GFRA1: variants seen among roughly 807,000 people sequenced by gnomAD.
The protein encoded by GFRA1 is GDNF family receptor alpha 1.
A neutral mutation model predicts 51.6 loss-of-function variants in GFRA1; 16 were observed. That is an observed-to-expected ratio of 0.31 (90% CI 0.21 to 0.47). GFRA1 has a LOEUF of 0.47. Ranked by LOEUF, GFRA1 falls within the 20% of genes least tolerant of loss-of-function variation. The pLI is 1.00. For missense variants in GFRA1, 530 were observed against 594.3 expected, an observed-to-expected ratio of 0.89 and a Z score of 1.13; for synonymous variants, 270 against 241.3, an observed-to-expected ratio of 1.12 and a Z score of -1.10.
At chr10:116,151,192 A>G (rs954973634) in intron 5 of GFRA1, among the ~76,000 whole-genome samples, 1 of 152,198 alleles carries the variant, frequency 6.6e-6, no homozygotes, top group Admixed American at 6.5e-5. Context: ...GCATCTGTAC[A>G]AGCTCCAGGC....
At chr10:116,194,066 T>TAAAAAAAAAAA (rs1051845471) in intron 5 of GFRA1, among the ~76,000 whole-genome samples, 9 of 27,000 alleles carry the variant, frequency 3.3e-4, no homozygotes, top group Non-Finnish European at 6.1e-4. Flanking sequence ...AAATAAAATT[T>TAAAAAAAAAAA]AAAAAAAAAA....
At chr10:116,258,847 G>A (rs1438969780) in intron 4 of GFRA1, among the ~76,000 whole-genome samples, 1 of 152,186 alleles carries the variant, frequency 6.6e-6, no homozygotes, top group Non-Finnish European at 1.5e-5. Context: ...CACAGCTGCT[G>A]TAATTATTAT....
chr10:116,140,282 C>T (rs913159211), intron 5 of GFRA1, among the ~76,000 whole-genome samples: 1 of 152,182 alleles, frequency 6.6e-6, no homozygotes, highest in Non-Finnish European at 1.5e-5. Flanking sequence ...TGGTGGAGGG[C>T]AAGGCTTTCT....
intron 4 of GFRA1, among the ~76,000 whole-genome samples, chr10:116,263,902 G>A (rs948860829): frequency 6.6e-6 from 1 of 152,186 alleles, no homozygotes; most frequent in Non-Finnish European, 1.5e-5. Context: ...CAATGGAAGG[G>A]ACGGAGATGA....
intron 9 of GFRA1, among the ~76,000 whole-genome samples, chr10:116,070,759 CTTTT>C (rs773344299): frequency 1.0e-4 from 10 of 97,720 alleles, no homozygotes; most frequent in Admixed American, 3.1e-4. Context: ...AGTCTGGAGC[CTTTT>C]TTTTTTTTTT....
intron 4 of GFRA1, among the ~76,000 whole-genome samples, chr10:116,228,899 T>C (rs1214699562): frequency 1.4e-5 from 2 of 140,418 alleles, no homozygotes; most frequent in African/African-American, 5.2e-5. Context: ...GAGAATTGCT[T>C]GAACCCGGGA....
Position 116,089,850 on chromosome 10 carries a change from G to A in GFRA1, c.1088C>T (p.Thr363Ile), listed in dbSNP as rs760387093. 6 of 1,614,066 alleles carry A rather than the reference G, an allele frequency of 3.7e-6. 1 individual carries two copies. The highest frequency in any genetic ancestry group is 2.2e-5 in the South Asian group (2 of 91,074). ...VWQPAFPVQT[T>I]TATTTTALRV... is the part of the protein sequence containing the mutation. ...GAGGGCAGTGGTGGTAGTGGCAGTG[G>A]TGGTCTGTACTGGGAAGGCTGGCTG... The change falls in exon 9 of 11, where the codon ACC (threonine) becomes ATC (isoleucine). Residue 363 changes from threonine to isoleucine, a missense_variant. Transcript: ENST00000355422.
chr10:116,270,688 G>T, intron 3 of GFRA1, 134 bp downstream of exon 3: 1 of 716,918 alleles, frequency 1.4e-6, no homozygotes, highest in Non-Finnish European at 2.4e-6. Context: ...CGTTGTCCCT[G>T]GGGGCCAAGG....
At chr10:116,070,108 T>C (rs1385714141) in intron 9 of GFRA1, among the ~76,000 whole-genome samples, 4 of 152,196 alleles carry the variant, frequency 2.6e-5, no homozygotes, top group East Asian at 1.9e-4. Flanking sequence ...CCCAATCCAA[T>C]AGCAACAGAC....
chr10:116,073,228 G>A (rs1955478947), intron 9 of GFRA1, among the ~76,000 whole-genome samples: 1 of 152,160 alleles, frequency 6.6e-6, no homozygotes, highest in African/African-American at 2.4e-5. Context: ...TAACACTAAT[G>A]GCAAGATGGC....
chr10:116,271,649 A>G (rs950266227), intron 2 of GFRA1, among the ~76,000 whole-genome samples: 16 of 152,178 alleles, frequency 1.1e-4, no homozygotes, highest in African/African-American at 2.9e-4. Context: ...CCCGGCCCCA[A>G]TGCTCCCCAA....
chr10:116,266,880 A>G (rs1364995906), intron 4 of GFRA1, among the ~76,000 whole-genome samples: 1 of 152,222 alleles, frequency 6.6e-6, no homozygotes, highest in Non-Finnish European at 1.5e-5. Flanking sequence ...GATGAGCCCA[A>G]CCTTTTCTCA....
chr10:116,141,647 A>C (rs1170283237), intron 5 of GFRA1, among the ~76,000 whole-genome samples: 1 of 152,064 alleles, frequency 6.6e-6, no homozygotes, highest in Non-Finnish European at 1.5e-5. Context: ...GCAGTGGTGC[A>C]ATCTCGGCTC....
chr10:116,216,461 T>C (rs1212597820), intron 4 of GFRA1, among the ~76,000 whole-genome samples: 1 of 152,206 alleles, frequency 6.6e-6, no homozygotes, highest in Non-Finnish European at 1.5e-5. Context: ...TCCATAACTA[T>C]GGTTAGAGAA....
At position 116,175,701 on chromosome 10, in the gene GFRA1, T is replaced by A. The variant is rs566340795; in HGVS notation, c.433+35930A>T. On this transcript the variant is annotated intron_variant, in intron 5 of 10. Transcript: ENST00000355422. ...GACCTCCCACCCCTCACCAAGGGAC[T>A]GCTCCATGACCATAGTTACAAAACG... Among the ~76,000 whole-genome samples, 40 of 152,292 alleles carry A rather than the reference T, an allele frequency of 2.6e-4. No individual in the cohort carries two copies. In the South Asian group the frequency reaches 3.5e-3, roughly 13 times the overall value.
chr10:116,205,663 C>T (rs990518433), intron 5 of GFRA1, among the ~76,000 whole-genome samples: 5 of 150,256 alleles, frequency 3.3e-5, no homozygotes, highest in African/African-American at 4.9e-5. Context: ...TTTATAGCCA[C>T]GACTTCAACA....
intron 6 of GFRA1, 43 bp downstream of exon 6, chr10:116,125,178 T>G (rs1481561037): frequency 1.3e-6 from 2 of 1,539,606 alleles, no homozygotes. Flanking sequence ...GCCAAGACTT[T>G]CCCTGTCACC....
chr10:116,084,174 G>A (rs2133847571), intron 9 of GFRA1, among the ~76,000 whole-genome samples: 1 of 152,318 alleles, frequency 6.6e-6, no homozygotes, highest in South Asian at 2.1e-4. Context: ...AGAAGACCAG[G>A]CAGCTACTGG....
At position 116,058,041 on chromosome 10, in the gene GFRA1, T is replaced by TGA. The variant is rs1555140525; in HGVS notation, c.*6355_*6356dup. On this transcript the variant is annotated 3_prime_UTR_variant, in exon 11 of 11. Transcript: ENST00000355422. ...GTGTGTGTGTGTGTGTGTGTGTGTG[T>TGA]GACAGAGAGAACCACGCTTTATTGG... The TGA allele has an allele frequency of 1.1e-4, 12 of 108,444 alleles. No homozygotes were observed. The highest frequency in any genetic ancestry group is 1.7e-4 in the Non-Finnish European group (9 of 53,526). The allele number at this position is 108,444 out of a possible 1,614,324, so 6.7% of individuals were successfully genotyped here.
Sources: gnomAD v4.1 joint callset for allele counts (sites outside exome capture counted in the v4.1 genomes callset) on GRCh38, gnomAD v4.1.1 for gene constraint, MANE v1.5 for transcripts, NCBI Gene and HGNC (gene_info 2026-07-23, HGNC 2026-07-21) for gene names.